The following POLR3B variants were observed in gnomAD, a reference collection of about 807,000 sequenced individuals.
POLR3B encodes the protein DNA-directed RNA polymerase III subunit RPC2.
POLR3B carries 96 observed loss-of-function variants against 147.4 expected under a neutral mutation model. That is an observed-to-expected ratio of 0.65 (90% CI 0.55 to 0.77). The LOEUF is 0.77. Ranked by LOEUF, POLR3B falls within the 30% of genes least tolerant of loss-of-function variation. POLR3B has a pLI of 0.00. For synonymous variants in POLR3B, 461 were observed against 485.9 expected, an observed-to-expected ratio of 0.95 and a Z score of 0.67; for missense variants, 1,036 against 1,413.5, an observed-to-expected ratio of 0.73 and a Z score of 4.28.
intron 22 of POLR3B, among the ~76,000 whole-genome samples, chr12:106,462,609 A>T (rs566190866): frequency 6.6e-6 from 1 of 152,336 alleles, no homozygotes; most frequent in Non-Finnish European, 1.5e-5. Context: ...GAGTAAGTTA[A>T]GTAAAAGTGT....
chr12:106,492,421 G>A (rs1466162571), intron 23 of POLR3B, among the ~76,000 whole-genome samples: 1 of 152,102 alleles, frequency 6.6e-6, no homozygotes, highest in Non-Finnish European at 1.5e-5. Flanking sequence ...GTGGTGGCAC[G>A]CAGCTGGATG....
At chr12:106,457,071 C>A in intron 20 of POLR3B, 67 bp from the exon 21 acceptor site, 1 of 1,372,714 alleles carries the variant, frequency 7.3e-7, no homozygotes, top group Non-Finnish European at 1.0e-6. Flanking sequence ...TTGAGTAGCA[C>A]AAATCCATAT....
intron 10 of POLR3B, among the ~76,000 whole-genome samples, chr12:106,403,475 A>T (rs1311090514): frequency 3.3e-5 from 5 of 151,968 alleles, no homozygotes; most frequent in Non-Finnish European, 7.4e-5. Flanking sequence ...TACCCAAAGG[A>T]TTATAAATCA....
At chr12:106,468,627 A>T (rs2038042444) in intron 23 of POLR3B, among the ~76,000 whole-genome samples, 1 of 152,250 alleles carries the variant, frequency 6.6e-6, no homozygotes, top group Non-Finnish European at 1.5e-5. Context: ...TGTCCCAGAG[A>T]TTCTGGTATG....
intron 10 of POLR3B, among the ~76,000 whole-genome samples, chr12:106,404,003 C>G (rs539246443): frequency 6.6e-6 from 1 of 151,546 alleles, no homozygotes; most frequent in South Asian, 2.1e-4. Flanking sequence ...AATCAGAGAG[C>G]AGATATGTAT....
chr12:106,398,928 C>T (rs1440390242), intron 10 of POLR3B, among the ~76,000 whole-genome samples: 1 of 152,190 alleles, frequency 6.6e-6, no homozygotes, highest in Non-Finnish European at 1.5e-5. Context: ...CACAGCACCT[C>T]TCCTCCTCCA....
intron 7 of POLR3B, 128 bp from the exon 8 acceptor site, chr12:106,378,139 C>T: frequency 2.8e-6 from 2 of 720,880 alleles, no homozygotes; most frequent in Non-Finnish European, 5.1e-6. Flanking sequence ...CCCTTTGAAT[C>T]AAGTGTTAGC....
chr12:106,397,125 A>AT (rs2036989817), intron 10 of POLR3B, among the ~76,000 whole-genome samples: 1 of 132,954 alleles, frequency 7.5e-6, no homozygotes, highest in African/African-American at 3.3e-5. Context: ...ACCCTGTCTC[A>AT]AAAAAAAAAA....
At position 106,510,104 on chromosome 12, in the gene POLR3B, CA is replaced by C. The variant is rs3217286; in HGVS notation, c.*557del. On this transcript the variant is annotated 3_prime_UTR_variant, in exon 28 of 28. Coordinates refer to ENST00000228347, the MANE Select transcript of POLR3B (RefSeq NM_018082.6). ...ATGAATTTGTTCCTACCTTGTCAAGCAAGAATGTCGTCTTCTCCTATGGACT... is the reference window on the plus strand; with the variant it reads ...ATGAATTTGTTCCTACCTTGTCAAGCAGAATGTCGTCTTCTCCTATGGACT... 153 of 169,586 alleles carry C rather than the reference CA, an allele frequency of 9.0e-4. 3 individuals carry two copies. In the East Asian group the frequency reaches 0.023, roughly 25 times the overall value. The allele number at this position is 169,586 out of a possible 1,614,324, so 10.5% of individuals were successfully genotyped here.
At chr12:106,384,830 C>CTT (rs576719116) in intron 9 of POLR3B, among the ~76,000 whole-genome samples, 7 of 140,764 alleles carry the variant, frequency 5.0e-5, no homozygotes, top group Admixed American at 1.4e-4. Flanking sequence ...TATTAAATGT[C>CTT]TTTTTTTTTT....
intron 7 of POLR3B, among the ~76,000 whole-genome samples, chr12:106,377,428 GT>G (rs2036696553): frequency 6.6e-6 from 1 of 152,058 alleles, no homozygotes; most frequent in African/African-American, 2.4e-5. Context: ...ATGTTGTATT[GT>G]TTTTGCTTAT....
chr12:106,376,913 A>G (rs2036688722), intron 7 of POLR3B, among the ~76,000 whole-genome samples: 1 of 152,168 alleles, frequency 6.6e-6, no homozygotes, highest in Non-Finnish European at 1.5e-5. Context: ...CTATTAGTCT[A>G]TATTTCTCAA....
intron 25 of POLR3B, chr12:106,500,142 C>T (rs534717614): frequency 6.6e-6 from 3 of 455,786 alleles, no homozygotes; most frequent in Admixed American, 4.7e-5. Flanking sequence ...CTCCCTGGAT[C>T]GTTGTGTGGA....
At chr12:106,384,664 C>G (rs1429969559) in intron 9 of POLR3B, among the ~76,000 whole-genome samples, 2 of 152,080 alleles carry the variant, frequency 1.3e-5, no homozygotes, top group Non-Finnish European at 2.9e-5. Flanking sequence ...AGATGGCCCC[C>G]TAGTATAATG....
At chr12:106,485,030 C>T (rs1488028031) in intron 23 of POLR3B, among the ~76,000 whole-genome samples, 3 of 152,084 alleles carry the variant, frequency 2.0e-5, no homozygotes, top group Admixed American at 6.6e-5. Context: ...CCAACAGAAC[C>T]GTTGGATGGT....
chr12:106,505,036 G>T (rs1330962413), intron 27 of POLR3B, among the ~76,000 whole-genome samples: 3 of 152,146 alleles, frequency 2.0e-5, no homozygotes, highest in Non-Finnish European at 4.4e-5. Flanking sequence ...CCCTGCATTT[G>T]TAGGATTGCC....
chr12:106,401,881 A>G (rs1593020593), intron 10 of POLR3B, among the ~76,000 whole-genome samples: 1 of 152,204 alleles, frequency 6.6e-6, no homozygotes, highest in Non-Finnish European at 1.5e-5. Context: ...AACTGGAAGC[A>G]TTCCCTTTGA....
intron 23 of POLR3B, among the ~76,000 whole-genome samples, chr12:106,479,070 C>T (rs1006508648): frequency 1.3e-5 from 2 of 152,054 alleles, no homozygotes; most frequent in African/African-American, 4.8e-5. Context: ...TTCATAGGCT[C>T]TTCTTTCATT....
intron 25 of POLR3B, among the ~76,000 whole-genome samples, chr12:106,497,338 T>G (rs1348986071): frequency 2.6e-5 from 4 of 151,876 alleles, no homozygotes; most frequent in Non-Finnish European, 5.9e-5. Context: ...TTTAGAAAAC[T>G]AACAATTGAG....
Sources: allele counts gnomAD v4.1 joint callset (sites outside exome capture counted in the v4.1 genomes callset), GRCh38; gene constraint gnomAD v4.1.1; transcripts MANE v1.5; gene names NCBI Gene and HGNC (gene_info 2026-07-23, HGNC 2026-07-21).